The following GAS2 variants were observed in gnomAD, a reference collection of about 807,000 sequenced individuals.
The protein encoded by GAS2 is growth arrest specific 2.
GAS2 carries 20 observed loss-of-function variants against 37.5 expected under a neutral mutation model. That is an observed-to-expected ratio of 0.53 (90% CI 0.37 to 0.77). The LOEUF (loss-of-function observed/expected upper bound fraction) is 0.77. Ranked by LOEUF, GAS2 falls within the 30% of genes least tolerant of loss-of-function variation. The probability of loss-of-function intolerance (pLI) is 0.00; values close to 1 mark genes in which losing one functional copy is unlikely to be tolerated. For synonymous variants in GAS2, 144 were observed against 132.2 expected, an observed-to-expected ratio of 1.09 and a Z score of -0.61; for missense variants, 336 against 373.4, an observed-to-expected ratio of 0.90 and a Z score of 0.82.
chr11:22,761,040 G>A (rs911620887), intron 7 of GAS2, among the ~76,000 whole-genome samples: 11 of 152,018 alleles, frequency 7.2e-5, no homozygotes, highest in East Asian at 1.9e-4. Flanking sequence ...CATATTTTTC[G>A]TTAGATGAAG....
upstream of GAS2, among the ~76,000 whole-genome samples, chr11:22,662,806 G>T (rs1848929256): frequency 6.6e-6 from 1 of 152,042 alleles, no homozygotes; most frequent in African/African-American, 2.4e-5. Flanking sequence ...ATCATGTGAG[G>T]CCAGGAGTTT....
chr11:22,743,320 G>T lies in GAS2; in HGVS notation c.473+5552G>T, dbSNP rs80269249. Reference sequence around the variant, plus strand: ...TGGTATAATATATTCTAAAAACCAAGAATTTTAGCAACAGAACCTTAGTGC... The same window carrying T: ...TGGTATAATATATTCTAAAAACCAATAATTTTAGCAACAGAACCTTAGTGC... On this transcript the variant is annotated intron_variant, in intron 5 of 7. Coordinates refer to ENST00000454584, the MANE Select transcript of GAS2 (RefSeq NM_001143830.3). 1.4e-4 allele frequency among the ~76,000 whole-genome samples: 22 copies of T among 152,110 alleles called. No individual in the cohort carries two copies. The South Asian group carries it at 2.7e-3, about 19-fold the overall frequency.
chr11:22,731,374 A>G (rs771065904), intron 4 of GAS2: 4 of 448,618 alleles, frequency 8.9e-6, no homozygotes, highest in African/African-American at 2.0e-5. Context: ...TCTCTGAGAA[A>G]GAATCTACTC....
intron 5 of GAS2, among the ~76,000 whole-genome samples, chr11:22,747,048 T>A (rs1331912072): frequency 6.6e-6 from 1 of 152,184 alleles, no homozygotes; most frequent in Non-Finnish European, 1.5e-5. Flanking sequence ...TGTGTTCTAG[T>A]TTTGGACAAG....
chr11:22,707,400 C>A (rs1439800756), intron 3 of GAS2, among the ~76,000 whole-genome samples: 1 of 152,162 alleles, frequency 6.6e-6, no homozygotes, highest in Non-Finnish European at 1.5e-5. Flanking sequence ...CTTGAATTTT[C>A]TTTGACCTAG....
intron 3 of GAS2, among the ~76,000 whole-genome samples, chr11:22,695,390 C>G (rs902888312): frequency 1.2e-4 from 18 of 152,090 alleles, no homozygotes; most frequent in African/African-American, 4.1e-4. Flanking sequence ...TGTTTCAGAA[C>G]TGTCCAAATT....
chr11:22,706,699 G>A (rs1175412106), intron 3 of GAS2, among the ~76,000 whole-genome samples: 2 of 152,122 alleles, frequency 1.3e-5, no homozygotes, highest in Admixed American at 1.3e-4. Flanking sequence ...ATTCCATGGT[G>A]CATATGTGCC....
chr11:22,739,469 A>C (rs1212215257), intron 5 of GAS2, among the ~76,000 whole-genome samples: 1 of 146,126 alleles, frequency 6.8e-6, no homozygotes, highest in East Asian at 2.2e-4. Flanking sequence ...AGCTATCGGG[A>C]GGCTGAGGCA....
intron 7 of GAS2, among the ~76,000 whole-genome samples, chr11:22,783,063 C>T (rs1473248468): frequency 1.3e-5 from 2 of 152,114 alleles, no homozygotes; most frequent in Admixed American, 1.3e-4. Flanking sequence ...CATACCTCAC[C>T]AACAGTGTGT....
intron 7 of GAS2, among the ~76,000 whole-genome samples, chr11:22,782,533 C>T (rs144561366): frequency 1.1e-3 from 170 of 152,002 alleles, no homozygotes; most frequent in African/African-American, 4.1e-3. Flanking sequence ...TAGTATCCAA[C>T]AGGGAGTTTT....
intron 7 of GAS2, among the ~76,000 whole-genome samples, chr11:22,758,029 G>C (rs1157009665): frequency 6.6e-6 from 1 of 152,130 alleles, no homozygotes; most frequent in Non-Finnish European, 1.5e-5. Context: ...ATGTGCATAT[G>C]ATTATGCTAG....
At chr11:22,748,569 C>T (rs1264936240) in intron 5 of GAS2, among the ~76,000 whole-genome samples, 1 of 152,004 alleles carries the variant, frequency 6.6e-6, no homozygotes, top group Non-Finnish European at 1.5e-5. Flanking sequence ...TTTCATTATG[C>T]TATTCCTAGG....
At chr11:22,661,005 A>T (rs1183332293) in intron 1 of GAS2, among the ~76,000 whole-genome samples, 1 of 152,254 alleles carries the variant, frequency 6.6e-6, no homozygotes, top group Non-Finnish European at 1.5e-5. Context: ...GAACTGTGTT[A>T]TAGTTACAAT....
At chr11:22,725,928 T>C (rs1852185260) in intron 3 of GAS2, among the ~76,000 whole-genome samples, 1 of 152,096 alleles carries the variant, frequency 6.6e-6, no homozygotes, top group African/African-American at 2.4e-5. Flanking sequence ...CCCATTCCTC[T>C]TTCACCAATG....
At chr11:22,635,160 A>G (rs1858804421) in intron 1 of GAS2, among the ~76,000 whole-genome samples, 1 of 152,180 alleles carries the variant, frequency 6.6e-6, no homozygotes. Flanking sequence ...GGGCAGAGTC[A>G]TAGGACTTCC....
rs1210762338 is a variant in GAS2, at chr11:22,694,902, A to G, written c.267+9113A>G. ...GTGGCACTCAACATTTTAAATGTATATTGAGGCTTTGTAACTAGTTAGCCA... is the reference window on the plus strand; with the variant it reads ...GTGGCACTCAACATTTTAAATGTATGTTGAGGCTTTGTAACTAGTTAGCCA... On this transcript the variant is annotated intron_variant, in intron 3 of 7. Transcript: ENST00000454584. 2.6e-5 allele frequency among the ~76,000 whole-genome samples: 4 copies of G among 152,218 alleles called. No homozygotes were observed. The East Asian group carries it at 7.7e-4, about 29-fold the overall frequency.
At chr11:22,805,541 C>A (rs1856845443) in intron 7 of GAS2, among the ~76,000 whole-genome samples, 1 of 152,082 alleles carries the variant, frequency 6.6e-6, no homozygotes, top group Non-Finnish European at 1.5e-5. Flanking sequence ...CACCCACCAA[C>A]CACTTCTGCT....
intron 1 of GAS2, among the ~76,000 whole-genome samples, chr11:22,640,863 C>G (rs893190000): frequency 6.6e-5 from 10 of 152,126 alleles, no homozygotes; most frequent in Admixed American, 5.9e-4. Flanking sequence ...CATTCTAACA[C>G]TATTAGCTAA....
chr11:22,764,868 A>C (rs542696530), intron 7 of GAS2, among the ~76,000 whole-genome samples: 2 of 152,338 alleles, frequency 1.3e-5, no homozygotes, highest in Non-Finnish European at 2.9e-5. Context: ...ACTTGACCTG[A>C]TAAGCATTCT....
Sources: allele counts gnomAD v4.1 joint callset (sites outside exome capture counted in the v4.1 genomes callset), GRCh38; gene constraint gnomAD v4.1.1; transcripts MANE v1.5; gene names NCBI Gene and HGNC (gene_info 2026-07-23, HGNC 2026-07-21).